HCRTR2: variants seen among roughly 807,000 people sequenced by gnomAD.
The protein encoded by HCRTR2 is orexin receptor type 2.
In HCRTR2, 22 loss-of-function variants were observed where a neutral mutation model predicts 49.0. The ratio of observed to expected loss-of-function variants is 0.45; its 90% CI spans 0.32 to 0.64. The LOEUF (loss-of-function observed/expected upper bound fraction) is 0.64, where lower values mean the gene tolerates loss of function less well. HCRTR2 is among the 30% of genes least tolerant of loss of function. The probability of loss-of-function intolerance (pLI) is 0.04; values close to 1 mark genes in which losing one functional copy is unlikely to be tolerated. For missense variants in HCRTR2, 491 were observed against 559.4 expected, an observed-to-expected ratio of 0.88 and a Z score of 1.23; for synonymous variants, 236 against 205.3, an observed-to-expected ratio of 1.15 and a Z score of -1.28.
chr6:55,278,084 C>T (rs549571833), intron 5 of HCRTR2, among the ~76,000 whole-genome samples: 1 of 152,172 alleles, frequency 6.6e-6, no homozygotes, highest in African/African-American at 2.4e-5. Context: ...TAAAAAAAGC[C>T]ATCAAGGCAG....
At chr6:55,211,095 C>A (rs1474511520) in intron 1 of HCRTR2, among the ~76,000 whole-genome samples, 1 of 152,098 alleles carries the variant, frequency 6.6e-6, no homozygotes, top group Non-Finnish European at 1.5e-5. Context: ...AGCCTAGGAG[C>A]AATTGGCTAT....
At chr6:55,232,261 C>T (rs1178783872) in intron 1 of HCRTR2, among the ~76,000 whole-genome samples, 1 of 152,108 alleles carries the variant, frequency 6.6e-6, no homozygotes, top group African/African-American at 2.4e-5. Context: ...TTAATTAATA[C>T]AATCTTTATA....
chr6:55,236,739 T>C (rs989317019), intron 1 of HCRTR2, among the ~76,000 whole-genome samples: 1 of 152,142 alleles, frequency 6.6e-6, no homozygotes, highest in Non-Finnish European at 1.5e-5. Context: ...CGTCACTGGT[T>C]TTTCAGCAGT....
At chr6:55,238,886 T>C (rs1398906379) in intron 1 of HCRTR2, among the ~76,000 whole-genome samples, 1 of 152,182 alleles carries the variant, frequency 6.6e-6, no homozygotes, top group East Asian at 1.9e-4. Flanking sequence ...TTGCAGGTAG[T>C]AAGATGAACA....
At chr6:55,152,585 A>G (rs1012383668) in intron 1 of HCRTR2, among the ~76,000 whole-genome samples, 1 of 151,992 alleles carries the variant, frequency 6.6e-6, no homozygotes, top group South Asian at 2.1e-4. Flanking sequence ...TTTGCCAAAG[A>G]TCTGGAGGCT....
chr6:55,166,336 CT>C (rs1764877021), intron 1 of HCRTR2, among the ~76,000 whole-genome samples: 1 of 149,900 alleles, frequency 6.7e-6, no homozygotes, highest in East Asian at 1.9e-4. Context: ...TAATGCTGTT[CT>C]TGTTGAGCGT....
intron 1 of HCRTR2, among the ~76,000 whole-genome samples, chr6:55,160,715 A>G (rs1018770456): frequency 2.6e-5 from 4 of 152,244 alleles, no homozygotes; most frequent in African/African-American, 9.6e-5. Context: ...CTTCAAACCA[A>G]CAAAGATCAA....
At chr6:55,128,853 T>C (rs938580930) in intron 1 of HCRTR2, among the ~76,000 whole-genome samples, 12 of 152,130 alleles carry the variant, frequency 7.9e-5, no homozygotes, top group Non-Finnish European at 1.8e-4. Context: ...ATTGATTTAA[T>C]ATAATAACAT....
intron 1 of HCRTR2, among the ~76,000 whole-genome samples, chr6:55,192,822 C>T (rs1765343325): frequency 6.6e-6 from 1 of 152,110 alleles, no homozygotes; most frequent in African/African-American, 2.4e-5. Context: ...CATTTTTCTG[C>T]TAAATGTTAT....
At chr6:55,139,747 A>T (rs1040763334) in intron 1 of HCRTR2, among the ~76,000 whole-genome samples, 11 of 151,856 alleles carry the variant, frequency 7.2e-5, no homozygotes, top group African/African-American at 1.9e-4. Context: ...ATTTTCAGTT[A>T]AAAAAAACCC....
At chr6:55,124,029 G>C (rs1464142643) in intron 1 of HCRTR2, among the ~76,000 whole-genome samples, 1 of 151,268 alleles carries the variant, frequency 6.6e-6, no homozygotes, top group African/African-American at 2.4e-5. Context: ...TTCTTTGTCT[G>C]TCTAGCAGTC....
At chr6:55,158,021 T>G (rs560349845) in intron 1 of HCRTR2, among the ~76,000 whole-genome samples, 2 of 152,290 alleles carry the variant, frequency 1.3e-5, no homozygotes, top group Admixed American at 6.5e-5. Flanking sequence ...GCTGGCAAGA[T>G]GGCTGAATAG....
intron 1 of HCRTR2, among the ~76,000 whole-genome samples, chr6:55,180,958 C>G (rs1299807424): frequency 7.3e-6 from 1 of 137,794 alleles, no homozygotes; most frequent in Non-Finnish European, 1.6e-5. Context: ...TGCCACCATG[C>G]CCAGCTATTT....
chr6:55,185,928 T>C (rs1765210193), intron 1 of HCRTR2, among the ~76,000 whole-genome samples: 1 of 152,194 alleles, frequency 6.6e-6, no homozygotes, highest in Non-Finnish European at 1.5e-5. Flanking sequence ...TTTCTGATCC[T>C]CCTATGACTG....
intron 1 of HCRTR2, among the ~76,000 whole-genome samples, chr6:55,169,100 T>C (rs906290847): frequency 4.0e-5 from 6 of 151,676 alleles, no homozygotes; most frequent in African/African-American, 1.5e-4. Context: ...GTGTATACCT[T>C]AGGGCATTTG....
chr6:55,250,783 C>T (rs1159896030), intron 2 of HCRTR2, among the ~76,000 whole-genome samples: 1 of 152,138 alleles, frequency 6.6e-6, no homozygotes, highest in Non-Finnish European at 1.5e-5. Context: ...ATCCTCATCT[C>T]TGGAAGGATT....
intron 3 of HCRTR2, among the ~76,000 whole-genome samples, chr6:55,256,132 G>A (rs192839915): frequency 6.6e-6 from 1 of 152,002 alleles, no homozygotes; most frequent in African/African-American, 2.4e-5. Flanking sequence ...TCTGGGCACA[G>A]GAAAGAATGA....
intron 1 of HCRTR2, among the ~76,000 whole-genome samples, chr6:55,129,975 G>A (rs949955451): frequency 1.3e-5 from 2 of 151,794 alleles, no homozygotes; most frequent in African/African-American, 4.8e-5. Context: ...GTATTTTCCT[G>A]GACCCACCAG....
intron 1 of HCRTR2, among the ~76,000 whole-genome samples, chr6:55,120,373 T>G (rs1764179884): frequency 6.6e-6 from 1 of 152,146 alleles, no homozygotes; most frequent in Non-Finnish European, 1.5e-5. Context: ...TGATATTGAT[T>G]CTTCCTATCC....
Sources: gnomAD v4.1 joint callset for allele counts (sites outside exome capture counted in the v4.1 genomes callset) on GRCh38, gnomAD v4.1.1 for gene constraint, MANE v1.5 for transcripts, NCBI Gene and HGNC (gene_info 2026-07-23, HGNC 2026-07-21) for gene names.